The following CPQ variants were observed in gnomAD, a reference collection of about 807,000 sequenced individuals.
CPQ encodes Ser-Met dipeptidase.
A neutral mutation model predicts 45.7 loss-of-function variants in CPQ; 37 were observed. The observed-to-expected ratio is 0.81, with a 90% CI of 0.62 to 1.07. The LOEUF is 1.07. Among genes scored for constraint, CPQ ranks in the 50% least tolerant of loss-of-function variants. CPQ has a pLI of 0.00. For missense variants in CPQ, 537 were observed against 572.9 expected (o/e 0.94, Z 0.64); for synonymous variants, 186 against 205.8 (o/e 0.90, Z 0.82).
chr8:97,009,249 C>A (rs1809438757), intron 5 of CPQ, among the ~76,000 whole-genome samples: 1 of 152,240 alleles, frequency 6.6e-6, no homozygotes, highest in Non-Finnish European at 1.5e-5. Flanking sequence ...AATGCACCTG[C>A]TGATGCCTCA....
chr8:96,888,795 G>A (rs1274550498), intron 4 of CPQ, among the ~76,000 whole-genome samples: 1 of 152,198 alleles, frequency 6.6e-6, no homozygotes, highest in East Asian at 1.9e-4. Flanking sequence ...ACAGTAGGAT[G>A]AGGCATGAGT....
At chr8:96,787,777 T>C (rs147224893) in intron 2 of CPQ, among the ~76,000 whole-genome samples, 169 of 151,734 alleles carry the variant, frequency 1.1e-3, no homozygotes, top group African/African-American at 3.8e-3. Context: ...CTTGAGTCAG[T>C]TTTAGTAGTT....
At chr8:96,670,310 ATTTTTTT>A (rs76070257) in intron 1 of CPQ, among the ~76,000 whole-genome samples, 3 of 143,994 alleles carry the variant, frequency 2.1e-5, no homozygotes, top group Non-Finnish European at 4.5e-5. Flanking sequence ...GAGTGACTCA[ATTTTTTT>A]TTTTTTTTTT....
intron 1 of CPQ, among the ~76,000 whole-genome samples, chr8:96,672,300 AT>A (rs917249385): frequency 6.6e-6 from 1 of 152,144 alleles, no homozygotes; most frequent in Admixed American, 6.6e-5. Flanking sequence ...TCTGTGCAGC[AT>A]CCCTGGGACC....
chr8:97,110,377 C>A (rs570205820), intron 7 of CPQ, among the ~76,000 whole-genome samples: 34 of 152,226 alleles, frequency 2.2e-4, no homozygotes, highest in Non-Finnish European at 4.6e-4. Flanking sequence ...CTGTTAAATG[C>A]ATATTTAACT....
rs763490765 is a variant in CPQ at position 96,834,424 on chromosome 8, T to C, written c.434-549T>C. 2.6e-5 allele frequency among the ~76,000 whole-genome samples: 4 copies of C among 152,350 alleles called. 1 individual carries two copies. In the South Asian group the frequency reaches 8.3e-4, roughly 32 times the overall value. On this transcript the variant is annotated intron_variant, in intron 2 of 7. Coordinates refer to ENST00000220763, the MANE Select transcript of CPQ (RefSeq NM_016134.4). ...AGGAGGAAGGAAAGCTTACTTTTTG[T>C]GGTTCTTCAGAGAGATTACATTAAC...
intron 1 of CPQ, among the ~76,000 whole-genome samples, chr8:96,742,166 G>A (rs561948529): frequency 6.6e-6 from 1 of 150,696 alleles, no homozygotes; most frequent in South Asian, 2.1e-4. Context: ...CTCCTGTATT[G>A]GGTGCATATA....
intron 1 of CPQ, among the ~76,000 whole-genome samples, chr8:96,736,916 C>A (rs1419971592): frequency 2.0e-5 from 3 of 152,046 alleles, no homozygotes; most frequent in Non-Finnish European, 2.9e-5. Context: ...TAGTAAATTT[C>A]TCTTATTACC....
intron 5 of CPQ, among the ~76,000 whole-genome samples, chr8:96,988,617 G>C (rs990752764): frequency 6.6e-6 from 1 of 152,164 alleles, no homozygotes; most frequent in African/African-American, 2.4e-5. Flanking sequence ...TGATTCAATG[G>C]TGGAAGTAAT....
At chr8:96,673,831 T>C (rs1563698502) in intron 1 of CPQ, among the ~76,000 whole-genome samples, 1 of 152,122 alleles carries the variant, frequency 6.6e-6, no homozygotes, top group Non-Finnish European at 1.5e-5. Context: ...TCTGGCTAGT[T>C]GGGAAGTGGC....
At chr8:96,725,061 C>T (rs1296214688) in intron 1 of CPQ, among the ~76,000 whole-genome samples, 1 of 152,134 alleles carries the variant, frequency 6.6e-6, no homozygotes, top group Non-Finnish European at 1.5e-5. Flanking sequence ...CCCTGCCTTT[C>T]ACCACATACA....
chr8:96,695,882 G>A (rs998305379), intron 1 of CPQ, among the ~76,000 whole-genome samples: 4 of 150,088 alleles, frequency 2.7e-5, no homozygotes, highest in African/African-American at 1.0e-4. Flanking sequence ...AGTCAGTGTG[G>A]CGATTCCTCA....
intron 1 of CPQ, among the ~76,000 whole-genome samples, chr8:96,755,206 T>C (rs1172032149): frequency 6.6e-6 from 1 of 151,886 alleles, no homozygotes; most frequent in Non-Finnish European, 1.5e-5. Flanking sequence ...ACTCAAAGCA[T>C]ACAAAAGGGC....
At chr8:97,056,139 G>A (rs1450320407) in intron 6 of CPQ, among the ~76,000 whole-genome samples, 2 of 151,814 alleles carry the variant, frequency 1.3e-5, no homozygotes, top group East Asian at 3.9e-4. Flanking sequence ...CACAAATTGT[G>A]TTGTTCAAGT....
At chr8:97,118,875 T>C (rs1811643732) in intron 7 of CPQ, among the ~76,000 whole-genome samples, 1 of 152,230 alleles carries the variant, frequency 6.6e-6, no homozygotes, top group Non-Finnish European at 1.5e-5. Flanking sequence ...ACGTGTATAA[T>C]ATCTCCAGTC....
intron 7 of CPQ, among the ~76,000 whole-genome samples, chr8:97,108,975 T>G (rs1413530340): frequency 6.6e-6 from 1 of 152,202 alleles, no homozygotes; most frequent in Non-Finnish European, 1.5e-5. Context: ...AGCTCATCCC[T>G]CAGCATAGCT....
chr8:97,110,188 G>GAAC (rs1811476697), intron 7 of CPQ, among the ~76,000 whole-genome samples: 3 of 152,096 alleles, frequency 2.0e-5, no homozygotes, highest in Non-Finnish European at 2.9e-5. Context: ...CCAGATATTA[G>GAAC]TTTTTCCTGT....
intron 6 of CPQ, among the ~76,000 whole-genome samples, chr8:97,040,787 T>C (rs1240401430): frequency 2.6e-5 from 4 of 152,240 alleles, no homozygotes; most frequent in African/African-American, 9.6e-5. Context: ...AAAGATCAGA[T>C]AGTTGAAGAT....
At chr8:96,850,588 A>T (rs377224634) in intron 3 of CPQ, among the ~76,000 whole-genome samples, 23 of 112,902 alleles carry the variant, frequency 2.0e-4, no homozygotes, top group Middle Eastern at 5.1e-3. Flanking sequence ...ATTTTATTTT[A>T]TTTATTTATT....
Sources: allele counts gnomAD v4.1 joint callset (sites outside exome capture counted in the v4.1 genomes callset), GRCh38; gene constraint gnomAD v4.1.1; transcripts MANE v1.5; gene names NCBI Gene and HGNC (gene_info 2026-07-23, HGNC 2026-07-21).